The following SKAP2 variants were observed in gnomAD, a reference collection of about 807,000 sequenced individuals.
SKAP2 encodes the protein src kinase-associated phosphoprotein 2.
A neutral mutation model predicts 54.9 loss-of-function variants in SKAP2; 28 were observed. The observed-to-expected ratio is 0.51, with a 90% CI of 0.38 to 0.70. The LOEUF (loss-of-function observed/expected upper bound fraction) is 0.70, where lower values mean the gene tolerates loss of function less well. Ranked by LOEUF, SKAP2 falls within the 30% of genes least tolerant of loss-of-function variation. SKAP2 has a pLI of 0.00. For missense variants in SKAP2, 356 were observed against 424.1 expected (o/e 0.84, Z 1.41); for synonymous variants, 137 against 134.3 (o/e 1.02, Z -0.14).
chr7:26,690,806 G>A (rs17310268), intron 9 of SKAP2, among the ~76,000 whole-genome samples: 12,380 of 152,220 alleles, frequency 0.081, 589 homozygotes, highest in Middle Eastern at 0.17. Context: ...TGTGGCAGGA[G>A]TATCATATAT....
chr7:26,754,285 A>T (rs781088653), intron 4 of SKAP2, among the ~76,000 whole-genome samples: 2 of 151,716 alleles, frequency 1.3e-5, no homozygotes, highest in Non-Finnish European at 2.9e-5. Flanking sequence ...AATTGCTTGA[A>T]TACAGGAGGC....
chr7:26,801,273 T>G (rs943263638), intron 4 of SKAP2, among the ~76,000 whole-genome samples: 1 of 152,188 alleles, frequency 6.6e-6, no homozygotes, highest in Non-Finnish European at 1.5e-5. Context: ...TCATTTCAAC[T>G]GATGCTGAAA....
rs578147464 is a variant in SKAP2 at position 26,713,601 on chromosome 7, G to GTT, written c.796+11825_796+11826dup. Among the ~76,000 whole-genome samples the GTT allele has an allele frequency of 1.2e-3, 171 of 146,024 alleles. 1 individual carries two copies. The highest frequency in any genetic ancestry group is 3.5e-3 in the African/African-American group (142 of 40,084). On this transcript the variant is annotated intron_variant, in intron 9 of 12. Coordinates refer to ENST00000345317, the MANE Select transcript of SKAP2 (RefSeq NM_003930.5). ...CTAAGATGCTTATTTGTTCTTTTTTGTTTTTTTTTTTGTTTTTAGATGGAG... is the reference window on the plus strand; with the variant it reads ...CTAAGATGCTTATTTGTTCTTTTTTGTTTTTTTTTTTTTGTTTTTAGATGGAG...
chr7:26,735,503 C>T (rs552707809), intron 6 of SKAP2, among the ~76,000 whole-genome samples: 1 of 152,192 alleles, frequency 6.6e-6, no homozygotes, highest in Non-Finnish European at 1.5e-5. Flanking sequence ...TTCTAAGCCA[C>T]TCCTATCTTG....
intron 4 of SKAP2, among the ~76,000 whole-genome samples, chr7:26,796,548 A>G (rs1783783895): frequency 6.6e-6 from 1 of 152,246 alleles, no homozygotes; most frequent in Non-Finnish European, 1.5e-5. Context: ...ATGACATTAC[A>G]AGGAAAAGTT....
At chr7:26,740,615 T>C (rs1163176247) in intron 4 of SKAP2, among the ~76,000 whole-genome samples, 2 of 152,210 alleles carry the variant, frequency 1.3e-5, no homozygotes, top group African/African-American at 4.8e-5. Context: ...TGATTAGAAA[T>C]TGTATATTCA....
intron 4 of SKAP2, among the ~76,000 whole-genome samples, chr7:26,838,653 C>G (rs575158555): frequency 6.6e-6 from 1 of 152,282 alleles, no homozygotes; most frequent in African/African-American, 2.4e-5. Flanking sequence ...GCCCTCCCTC[C>G]ACAATCTCTT....
intron 9 of SKAP2, among the ~76,000 whole-genome samples, chr7:26,717,545 G>T (rs1348764282): frequency 1.8e-5 from 1 of 55,400 alleles, no homozygotes; most frequent in African/African-American, 5.9e-5. Context: ...AAAAAAAAGG[G>T]CCAGATGCTG....
At chr7:26,818,358 A>G (rs1020458343) in intron 4 of SKAP2, among the ~76,000 whole-genome samples, 16 of 152,312 alleles carry the variant, frequency 1.1e-4, no homozygotes, top group African/African-American at 3.8e-4. Context: ...TATTTAATAA[A>G]TGGTGTTGGG....
intron 4 of SKAP2, among the ~76,000 whole-genome samples, chr7:26,836,391 T>G (rs891310649): frequency 1.4e-4 from 22 of 152,074 alleles, no homozygotes; most frequent in African/African-American, 5.3e-4. Flanking sequence ...GAAACTATCA[T>G]CAGAGTGAAC....
At chr7:26,792,473 C>T (rs1158739030) in intron 4 of SKAP2, among the ~76,000 whole-genome samples, 5 of 151,986 alleles carry the variant, frequency 3.3e-5, no homozygotes, top group Admixed American at 3.3e-4. Context: ...ACCTGTGTAT[C>T]CCAAACACAT....
intron 9 of SKAP2, among the ~76,000 whole-genome samples, chr7:26,715,121 A>G (rs1398581508): frequency 6.6e-6 from 1 of 152,198 alleles, no homozygotes; most frequent in Non-Finnish European, 1.5e-5. Context: ...TAGCCCCATT[A>G]ACATAATTTT....
chr7:26,689,408 A>G (rs1372299271), intron 10 of SKAP2, among the ~76,000 whole-genome samples: 9 of 152,142 alleles, frequency 5.9e-5, no homozygotes, highest in Non-Finnish European at 1.3e-4. Flanking sequence ...TGCACTACAG[A>G]TATGGTTTAT....
At chr7:26,841,974 A>G (rs1784826002) in intron 4 of SKAP2, among the ~76,000 whole-genome samples, 1 of 151,950 alleles carries the variant, frequency 6.6e-6, no homozygotes, top group African/African-American at 2.4e-5. Context: ...GACTGAGGTC[A>G]CATAATGAAG....
At chr7:26,714,564 G>C (rs537357631) in intron 9 of SKAP2, among the ~76,000 whole-genome samples, 1 of 152,244 alleles carries the variant, frequency 6.6e-6, no homozygotes, top group African/African-American at 2.4e-5. Flanking sequence ...CAGATATGAA[G>C]AGTGCTTATA....
intron 9 of SKAP2, among the ~76,000 whole-genome samples, chr7:26,716,117 C>T (rs1414214007): frequency 6.6e-6 from 1 of 152,164 alleles, no homozygotes; most frequent in Non-Finnish European, 1.5e-5. Flanking sequence ...CAAATATTCT[C>T]TACTATGCAA....
rs938496085 is a variant in SKAP2 at position 26,816,196 on chromosome 7, A to C, written c.307+27834T>G. Among the ~76,000 whole-genome samples, 4 of 152,294 alleles carry C rather than the reference A, an allele frequency of 2.6e-5. No individual in the cohort carries two copies. In the South Asian group the frequency reaches 8.3e-4, roughly 32 times the overall value. Reference sequence around the variant, plus strand: ...AATGCTAAAGAAGTAGCAACATCGCAAGACACGTTCAAAATCCAACCACAC... The same window carrying C: ...AATGCTAAAGAAGTAGCAACATCGCCAGACACGTTCAAAATCCAACCACAC... On this transcript the variant is annotated intron_variant, in intron 4 of 12. Coordinates refer to ENST00000345317, the MANE Select transcript of SKAP2 (RefSeq NM_003930.5).
intron 4 of SKAP2, among the ~76,000 whole-genome samples, chr7:26,769,116 T>A (rs1342059179): frequency 6.6e-6 from 1 of 152,234 alleles, no homozygotes; most frequent in South Asian, 2.1e-4. Context: ...GTTTGGTGTA[T>A]TCACACAGTC....
At chr7:26,669,965 G>C (rs1786192563) in intron 12 of SKAP2, 126 bp downstream of exon 12, 1 of 418,298 alleles carries the variant, frequency 2.4e-6, no homozygotes, top group South Asian at 8.3e-5. Context: ...AAACAAAAAA[G>C]ATTTCGGGGC....
Sources: allele counts gnomAD v4.1 joint callset (sites outside exome capture counted in the v4.1 genomes callset), GRCh38; gene constraint gnomAD v4.1.1; transcripts MANE v1.5; gene names NCBI Gene and HGNC (gene_info 2026-07-23, HGNC 2026-07-21).